Variants in TENM2 observed in about 807,000 individuals in gnomAD.
The protein encoded by TENM2 is teneurin transmembrane protein 2, also known as teneurin-2.
TENM2 carries 52 observed loss-of-function variants against 245.2 expected under a neutral mutation model. The observed-to-expected ratio is 0.21, with a 90% confidence interval of 0.17 to 0.27. The LOEUF is 0.27. TENM2 is among the 10% of genes least tolerant of loss of function. The pLI is 1.00. For missense variants in TENM2, 3,046 were observed against 3,666.8 expected, an observed-to-expected ratio of 0.83 and a Z score of 4.37; for synonymous variants, 1,363 against 1,438.9, an observed-to-expected ratio of 0.95 and a Z score of 1.19.
chr5:167,733,465 C>T (rs1760579889), intron 2 of TENM2, among the ~76,000 whole-genome samples: 1 of 152,104 alleles, frequency 6.6e-6, no homozygotes, highest in South Asian at 2.1e-4. Flanking sequence ...TCCCATGATC[C>T]CATAATACTC....
intron 2 of TENM2, among the ~76,000 whole-genome samples, chr5:167,419,105 A>T (rs181421647): frequency 6.9e-6 from 1 of 145,484 alleles, no homozygotes; most frequent in African/African-American, 2.5e-5. Flanking sequence ...ATATACACAC[A>T]CACATGAAAA....
At chr5:168,024,239 C>T (rs1786412600) in intron 5 of TENM2, among the ~76,000 whole-genome samples, 2 of 152,108 alleles carry the variant, frequency 1.3e-5, no homozygotes, top group South Asian at 2.1e-4. Context: ...ATTAGCCTTC[C>T]GATTGTCGCA....
rs537068584 is a variant in TENM2 at position 167,840,021 on chromosome 5, G to A, written c.503-35965G>A. On this transcript the variant is annotated intron_variant, in intron 2 of 28. Coordinates refer to ENST00000518659, the Ensembl canonical transcript of TENM2. ...TTTTTAGTAGAGACGGAGTTTCACC[G>A]TGTTAGCCAGGCTGGTCTCAAACTT... 6.6e-5 allele frequency among the ~76,000 whole-genome samples: 10 copies of A among 152,236 alleles called. 1 individual carries two copies. The South Asian group carries it at 8.3e-4, about 13-fold the overall frequency.
intron 25 of TENM2, among the ~76,000 whole-genome samples, chr5:168,228,982 ACAT>A (rs1415458138): frequency 6.8e-6 from 1 of 147,958 alleles, no homozygotes; most frequent in Non-Finnish European, 1.5e-5. Context: ...ATATACGTAT[ACAT>A]AATATACATA....
intron 2 of TENM2, among the ~76,000 whole-genome samples, chr5:167,431,035 TG>T (rs1302540726): frequency 1.3e-5 from 2 of 152,180 alleles, no homozygotes; most frequent in Non-Finnish European, 2.9e-5. Context: ...CTCTCTTATT[TG>T]GGGAATCCCA....
chr5:167,392,677 A>C (rs911328896), intron 2 of TENM2, among the ~76,000 whole-genome samples: 3 of 152,142 alleles, frequency 2.0e-5, no homozygotes, highest in Non-Finnish European at 4.4e-5. Flanking sequence ...ATATCTCTTC[A>C]TTAGATATAT....
intron 5 of TENM2, among the ~76,000 whole-genome samples, chr5:168,026,376 T>G (rs1444972833): frequency 6.6e-6 from 1 of 152,154 alleles, no homozygotes; most frequent in Non-Finnish European, 1.5e-5. Context: ...GAAGTTAGGA[T>G]GAGCAGCAGA....
chr5:167,385,856 ATGTGTGTGTG>A lies in TENM2; in HGVS notation c.502+10419_502+10428del, dbSNP rs60407919. 5.7e-3 allele frequency among the ~76,000 whole-genome samples: 796 copies of A among 139,144 alleles called. 5 individuals carry two copies. Among genetic ancestry groups the A allele is most frequent in the African/African-American group, 0.018 (659 of 36,818 alleles). 91.3% of individuals were successfully genotyped at this position (139,144 alleles called of 152,430 possible). ...CTGAGTAGTATTCCATTATATATAT[ATGTGTGTGTG>A]TGTGTGTGTGTGTGTGTGTGTGTGT... is the stretch of plus-strand genomic sequence containing the variant. On this transcript the variant is annotated intron_variant, in intron 2 of 28. Coordinates refer to ENST00000518659, the Ensembl canonical transcript of TENM2.
rs144188463 is a variant in TENM2 at position 167,892,292 on chromosome 5, A to G, written c.712+16097A>G. On this transcript the variant is annotated intron_variant, in intron 3 of 28. Transcript: ENST00000518659. ...GTCAAATACAGTTCCTTATAAATAC[A>G]TGGAAGATATGTGCCCAACTCATAT... Among the ~76,000 whole-genome samples the G allele has an allele frequency of 1.3e-3, 194 of 152,366 alleles. 2 individuals are homozygous for G. Among genetic ancestry groups the G allele is most frequent in the African/African-American group, 4.5e-3 (186 of 41,596 alleles).
chr5:166,994,106 G>T, the TENM2 span, among the ~76,000 whole-genome samples: 1 of 152,046 alleles, frequency 6.6e-6, no homozygotes, highest in African/African-American at 2.4e-5. Context: ...CATTCAGCCA[G>T]GTTACCTCTG....
chr5:168,204,123 G>T (rs996406011), intron 18 of TENM2, among the ~76,000 whole-genome samples: 1 of 150,856 alleles, frequency 6.6e-6, no homozygotes, highest in African/African-American at 2.4e-5. Context: ...TGATCCTCCT[G>T]CCCCAGCCTA....
intron 5 of TENM2, among the ~76,000 whole-genome samples, chr5:168,036,786 TATAA>T (rs1787750779): frequency 6.7e-6 from 1 of 150,140 alleles, no homozygotes; most frequent in African/African-American, 2.4e-5. Context: ...TGTATATATA[TATAA>T]ATTGTCACAA....
chr5:167,887,461 T>G (rs980688346), intron 3 of TENM2, among the ~76,000 whole-genome samples: 4 of 152,224 alleles, frequency 2.6e-5, no homozygotes, highest in Non-Finnish European at 5.9e-5. Context: ...TGCAGGTCAC[T>G]GTAACATTTT....
chr5:168,121,645 G>C (rs116681582), intron 10 of TENM2, among the ~76,000 whole-genome samples: 1 of 151,866 alleles, frequency 6.6e-6, no homozygotes, highest in East Asian at 1.9e-4. Context: ...AATTTATCTG[G>C]AAGAAAAATG....
intron 3 of TENM2, among the ~76,000 whole-genome samples, chr5:167,928,598 TA>T (rs1312221187): frequency 6.6e-6 from 1 of 152,012 alleles, no homozygotes; most frequent in Non-Finnish European, 1.5e-5. Context: ...AAATATGTGT[TA>T]AAAGAATGTG....
chr5:167,833,808 C>G (rs1365317038), intron 2 of TENM2, among the ~76,000 whole-genome samples: 1 of 152,214 alleles, frequency 6.6e-6, no homozygotes, highest in Non-Finnish European at 1.5e-5. Context: ...AAAGAAGGTT[C>G]TCTGTTTCCC....
the TENM2 span, among the ~76,000 whole-genome samples, chr5:167,053,134 C>A: frequency 6.6e-5 from 10 of 152,282 alleles, no homozygotes; most frequent in East Asian, 1.9e-3. Context: ...TGAATTATTT[C>A]ATCTTTCAAG....
intron 2 of TENM2, among the ~76,000 whole-genome samples, chr5:167,562,478 A>G (rs1773655712): frequency 6.6e-6 from 1 of 152,176 alleles, no homozygotes; most frequent in Non-Finnish European, 1.5e-5. Flanking sequence ...AGGTGAAGTC[A>G]TCCCAGGTCA....
At chr5:167,223,841 C>CCAA in the TENM2 span, among the ~76,000 whole-genome samples, 1 of 152,064 alleles carries the variant, frequency 6.6e-6, no homozygotes, top group African/African-American at 2.4e-5. Context: ...CACAAACTTG[C>CCAA]CAACATCTGA....
Sources: gnomAD v4.1 joint callset for allele counts (sites outside exome capture counted in the v4.1 genomes callset) on GRCh38, gnomAD v4.1.1 for gene constraint, MANE v1.5 for transcripts, NCBI Gene and HGNC (gene_info 2026-07-23, HGNC 2026-07-21) for gene names.